The following RORB variants were observed in gnomAD, a reference collection of about 807,000 sequenced individuals.
The protein encoded by RORB is nuclear receptor ROR-beta.
In RORB, 6 loss-of-function variants were observed where a neutral mutation model predicts 59.1. The observed-to-expected ratio is 0.10, with a 90% CI of 0.06 to 0.20. RORB has a LOEUF of 0.20. Among genes scored for constraint, RORB ranks in the 10% least tolerant of loss-of-function variants. The pLI, the probability that RORB is intolerant of heterozygous loss-of-function variation, is 1.00. For synonymous variants in RORB, 215 were observed against 204.5 expected (o/e 1.05, Z -0.44); for missense variants, 320 against 560.5 (o/e 0.57, Z 4.33).
At chr9:74,589,263 A>G (rs562049581) in intron 1 of RORB, among the ~76,000 whole-genome samples, 25 of 152,334 alleles carry the variant, frequency 1.6e-4, no homozygotes, top group Middle Eastern at 6.8e-3. Flanking sequence ...GTTTAAATGA[A>G]AGAATTTGTG....
Position 74,691,383 on chromosome 9 carries a change from C to A in RORB, c.*5765C>A, listed in dbSNP as rs1450018654. ...TTCGCGTGCCTCTGTCACAACCATA[C>A]GTAGAAACACATTAGGTATGTCTGG... is the stretch of plus-strand genomic sequence containing the variant. On this transcript the variant is annotated 3_prime_UTR_variant, in exon 10 of 10. Transcript: ENST00000376896. 1 of 152,110 alleles carries A rather than the reference C, an allele frequency of 6.6e-6. No homozygotes were observed. Among genetic ancestry groups the A allele is most frequent in the Admixed American group, 6.5e-5 (1 of 15,270 alleles). The allele number at this position is 152,110 out of a possible 1,614,324, so 9.4% of individuals were successfully genotyped here.
chr9:74,501,475 G>T (rs986186590), intron 1 of RORB, among the ~76,000 whole-genome samples: 4 of 151,340 alleles, frequency 2.6e-5, no homozygotes, highest in African/African-American at 9.7e-5. Flanking sequence ...TCCACCTCCC[G>T]CAATTAAAAA....
chr9:74,662,350 A>G, intron 5 of RORB, 124 bp from the exon 6 acceptor site: 2 of 884,218 alleles, frequency 2.3e-6, no homozygotes, highest in South Asian at 3.5e-5. Context: ...TTTTAAAGGA[A>G]TCATATAAAT....
chr9:74,566,098 T>C (rs982464344), intron 1 of RORB, among the ~76,000 whole-genome samples: 13 of 152,168 alleles, frequency 8.5e-5, no homozygotes, highest in Admixed American at 5.9e-4. Context: ...TAAATCTGCT[T>C]CCTTCCTCTG....
chr9:74,585,004 C>G lies in RORB; in HGVS notation c.8-45278C>G, dbSNP rs1029195618. 2.0e-5 allele frequency among the ~76,000 whole-genome samples: 3 copies of G among 152,290 alleles called. No individual in the cohort carries two copies. The East Asian group carries it at 5.8e-4, about 29-fold the overall frequency. On this transcript the variant is annotated intron_variant, in intron 1 of 9. Transcript: ENST00000376896. ...CCCAGGGCTCAGGTGGACTGGGTCC[C>G]CATCCCCCGTCCAATCTCAGCCCTA...
At chr9:74,618,349 A>G (rs1823347328) in intron 1 of RORB, among the ~76,000 whole-genome samples, 1 of 152,182 alleles carries the variant, frequency 6.6e-6, no homozygotes, top group Admixed American at 6.5e-5. Context: ...AAATGTTAGT[A>G]GAATACTAAC....
intron 1 of RORB, among the ~76,000 whole-genome samples, chr9:74,500,388 T>C (rs1304484601): frequency 1.3e-5 from 2 of 152,150 alleles, no homozygotes; most frequent in East Asian, 1.9e-4. Flanking sequence ...CTCTGACGTC[T>C]TGTGGAGTTG....
At chr9:74,603,172 G>A (rs953938217) in intron 1 of RORB, among the ~76,000 whole-genome samples, 16 of 152,266 alleles carry the variant, frequency 1.1e-4, no homozygotes, top group African/African-American at 3.6e-4. Flanking sequence ...CCCAAAACAT[G>A]CATATGCCCA....
intron 1 of RORB, among the ~76,000 whole-genome samples, chr9:74,573,702 C>T (rs1822587947): frequency 1.3e-5 from 2 of 152,124 alleles, no homozygotes; most frequent in Admixed American, 1.3e-4. Flanking sequence ...CAATAACCAA[C>T]TGCCAGATTG....
At chr9:74,546,032 T>G (rs1011958470) in intron 1 of RORB, among the ~76,000 whole-genome samples, 3 of 152,234 alleles carry the variant, frequency 2.0e-5, no homozygotes, top group Non-Finnish European at 4.4e-5. Context: ...TAATGATAGT[T>G]TTTATAGTTC....
rs1316534210 is a variant in RORB, at chr9:74,687,878, T to C, written c.*2260T>C. 2 of 152,246 alleles carry C rather than the reference T, an allele frequency of 1.3e-5. No homozygotes were observed. Among genetic ancestry groups the C allele is most frequent in the African/African-American group, 4.8e-5 (2 of 41,462 alleles). The allele number at this position is 152,246 out of a possible 1,614,324, so 9.4% of individuals were successfully genotyped here. ...GATAGGCGATGCTTCATGTGTCTAC[T>C]TGGTGTTTCCCTTTGAGCTTTGAAC... is the stretch of plus-strand genomic sequence containing the variant. On this transcript the variant is annotated 3_prime_UTR_variant, in exon 10 of 10. Transcript: ENST00000376896.
At chr9:74,684,977 T>G (rs1442748890) in intron 9 of RORB, among the ~76,000 whole-genome samples, 1 of 152,232 alleles carries the variant, frequency 6.6e-6, no homozygotes, top group Admixed American at 6.5e-5. Flanking sequence ...ACAATTACAC[T>G]TCACATCTCC....
intron 1 of RORB, among the ~76,000 whole-genome samples, chr9:74,599,796 C>CTTCT (rs1823026865): frequency 6.6e-6 from 1 of 152,152 alleles, no homozygotes; most frequent in African/African-American, 2.4e-5. Flanking sequence ...CATACCTGGC[C>CTTCT]TTCTTCTGGG....
At chr9:74,555,024 G>C (rs963096083) in intron 1 of RORB, among the ~76,000 whole-genome samples, 1 of 152,194 alleles carries the variant, frequency 6.6e-6, no homozygotes, top group African/African-American at 2.4e-5. Context: ...TCAACACTGG[G>C]AATTGGCTAT....
At chr9:74,558,288 C>T (rs1043212070) in intron 1 of RORB, among the ~76,000 whole-genome samples, 6 of 152,172 alleles carry the variant, frequency 3.9e-5, no homozygotes, top group African/African-American at 9.6e-5. Flanking sequence ...CAGTTGAGCT[C>T]GAGCAGGATG....
chr9:74,611,381 C>T (rs1490361623), intron 1 of RORB, among the ~76,000 whole-genome samples: 1 of 152,178 alleles, frequency 6.6e-6, no homozygotes, highest in Non-Finnish European at 1.5e-5. Context: ...ATTTTTGTTT[C>T]AACTTCCTTG....
chr9:74,563,386 A>G (rs905291439), intron 1 of RORB, among the ~76,000 whole-genome samples: 4 of 152,006 alleles, frequency 2.6e-5, no homozygotes, highest in African/African-American at 9.7e-5. Flanking sequence ...GGGTTTCACC[A>G]TATTGGCCAG....
intron 1 of RORB, among the ~76,000 whole-genome samples, chr9:74,568,763 G>A (rs1476490541): frequency 6.6e-6 from 1 of 150,422 alleles, no homozygotes; most frequent in East Asian, 1.9e-4. Context: ...TATTACAATA[G>A]TTTGAACTAG....
chr9:74,661,401 T>C (rs1408497795), intron 5 of RORB, among the ~76,000 whole-genome samples: 7 of 152,182 alleles, frequency 4.6e-5, no homozygotes, highest in Non-Finnish European at 1.0e-4. Flanking sequence ...AATAAATGTT[T>C]ACAATATGCT....
Sources: gnomAD v4.1 joint callset for allele counts (sites outside exome capture counted in the v4.1 genomes callset) on GRCh38, gnomAD v4.1.1 for gene constraint, MANE v1.5 for transcripts, NCBI Gene and HGNC (gene_info 2026-07-23, HGNC 2026-07-21) for gene names.